The following GNA14 variants were observed in gnomAD, a reference collection of about 807,000 sequenced individuals.
GNA14 encodes guanine nucleotide-binding protein subunit alpha-14.
In GNA14, 50 loss-of-function variants were observed where a neutral mutation model predicts 42.0. The ratio of observed to expected loss-of-function variants is 1.19; its 90% CI spans 0.95 to 1.51. GNA14 has a LOEUF of 1.51. GNA14 is among the 40% of genes most tolerant of loss of function. The probability of loss-of-function intolerance (pLI) is 0.00; values close to 1 mark genes in which losing one functional copy is unlikely to be tolerated. For synonymous variants in GNA14, 173 were observed against 163.1 expected (o/e 1.06, Z -0.46); for missense variants, 473 against 446.2 (o/e 1.06, Z -0.54).
rs372812206 is a variant in GNA14, at chr9:77,438,602, AATAAT to A, written c.310-4085_310-4081del. ...TTTTAAAAAAAACCTTTTACTGTGAAATAATATAAGACTTGCAAAGATGTGGGGAA... is the reference window on the plus strand; with the variant it reads ...TTTTAAAAAAAACCTTTTACTGTGAAATAAGACTTGCAAAGATGTGGGGAA... On this transcript the variant is annotated intron_variant, in intron 2 of 6. Coordinates refer to ENST00000341700, the MANE Select transcript of GNA14 (RefSeq NM_004297.4). 5.1e-3 allele frequency among the ~76,000 whole-genome samples: 771 copies of A among 152,234 alleles called. 3 individuals are homozygous for A. The highest frequency in any genetic ancestry group is 9.4e-3 in the Non-Finnish European group (636 of 68,008).
intron 1 of GNA14, among the ~76,000 whole-genome samples, chr9:77,641,765 C>T (rs776264309): frequency 1.3e-5 from 2 of 152,132 alleles, no homozygotes; most frequent in Non-Finnish European, 2.9e-5. Context: ...ACCAACAAAA[C>T]TGGGATATGG....
At chr9:77,586,260 C>CT (rs1300529197) in intron 1 of GNA14, among the ~76,000 whole-genome samples, 2 of 152,098 alleles carry the variant, frequency 1.3e-5, no homozygotes, top group Non-Finnish European at 1.5e-5. Context: ...ATAAAGAGCT[C>CT]TTTTTTCATA....
At chr9:77,608,548 C>CA (rs1324262317) in intron 1 of GNA14, among the ~76,000 whole-genome samples, 1 of 152,088 alleles carries the variant, frequency 6.6e-6, no homozygotes, top group African/African-American at 2.4e-5. Context: ...CTAGAATGGC[C>CA]ACCCAACCCT....
chr9:77,596,793 T>C (rs1823474060), intron 1 of GNA14, among the ~76,000 whole-genome samples: 1 of 152,204 alleles, frequency 6.6e-6, no homozygotes, highest in African/African-American at 2.4e-5. Flanking sequence ...GCATATCTGA[T>C]TGCCTCATTT....
chr9:77,529,359 C>T (rs1166648816), intron 1 of GNA14, 106 bp from the exon 2 acceptor site: 2 of 877,428 alleles, frequency 2.3e-6, no homozygotes, highest in Non-Finnish European at 3.8e-6. Flanking sequence ...AATTAATAGG[C>T]TGATGGGTTG....
At chr9:77,591,152 G>A (rs1250488455) in intron 1 of GNA14, among the ~76,000 whole-genome samples, 1 of 152,218 alleles carries the variant, frequency 6.6e-6, no homozygotes, top group Non-Finnish European at 1.5e-5. Flanking sequence ...ATCACACGCT[G>A]TTTCCGAGTA....
At chr9:77,426,212 A>G (rs1369785422) in intron 5 of GNA14, among the ~76,000 whole-genome samples, 1 of 152,144 alleles carries the variant, frequency 6.6e-6, no homozygotes, top group Non-Finnish European at 1.5e-5. Context: ...TGGCAGAGAC[A>G]GGACGCACTG....
intron 1 of GNA14, among the ~76,000 whole-genome samples, chr9:77,627,234 G>C (rs1160221413): frequency 6.6e-6 from 1 of 152,088 alleles, no homozygotes; most frequent in East Asian, 1.9e-4. Context: ...AATTGAGGCA[G>C]TAATTAATAG....
At chr9:77,633,343 A>G (rs1431819149) in intron 1 of GNA14, among the ~76,000 whole-genome samples, 1 of 152,132 alleles carries the variant, frequency 6.6e-6, no homozygotes, top group African/African-American at 2.4e-5. Flanking sequence ...ACAGATTGGC[A>G]TGTGCAGAGG....
At chr9:77,549,258 T>C (rs1362842684) in intron 1 of GNA14, among the ~76,000 whole-genome samples, 2 of 152,290 alleles carry the variant, frequency 1.3e-5, no homozygotes, top group Middle Eastern at 3.4e-3. Context: ...ATAGGACATG[T>C]AGTCTCTAGT....
chr9:77,458,914 G>GGGT (rs61548659), intron 2 of GNA14, among the ~76,000 whole-genome samples: 2 of 150,952 alleles, frequency 1.3e-5, no homozygotes, highest in East Asian at 3.9e-4. Context: ...AGGGGGGGGG[G>GGGT]TTGTCCTCTT....
Position 77,648,159 on chromosome 9 carries a change from C to CGAGTTGGAACGTCG in GNA14, c.-380_-367dup. 3.2e-6 allele frequency: 1 copy of CGAGTTGGAACGTCG among 311,860 alleles called. No individual in the cohort carries two copies. The highest frequency in any genetic ancestry group is 6.0e-6 in the Non-Finnish European group (1 of 167,750). The allele number at this position is 311,860 out of a possible 1,614,324, so 19.3% of individuals were successfully genotyped here. On this transcript the variant is annotated 5_prime_UTR_variant, in exon 1 of 7. Coordinates refer to ENST00000341700, the MANE Select transcript of GNA14 (RefSeq NM_004297.4). ...GCCGGACAGCAGTCGGGGGCGCAGACGAGTTGGAACGTCGGTGCTCGGGGG... is the reference window on the plus strand; with the variant it reads ...GCCGGACAGCAGTCGGGGGCGCAGACGAGTTGGAACGTCGGAGTTGGAACGTCGGTGCTCGGGGG...
chr9:77,569,487 C>T (rs1403146221), intron 1 of GNA14, among the ~76,000 whole-genome samples: 1 of 152,180 alleles, frequency 6.6e-6, no homozygotes, highest in Non-Finnish European at 1.5e-5. Flanking sequence ...TGTGAAATGG[C>T]TGTGAACAAG....
intron 1 of GNA14, among the ~76,000 whole-genome samples, chr9:77,545,808 C>T (rs771618646): frequency 1.3e-5 from 2 of 152,268 alleles, no homozygotes; most frequent in South Asian, 2.1e-4. Flanking sequence ...ATACCATTAT[C>T]GTTGCATTTG....
intron 2 of GNA14, among the ~76,000 whole-genome samples, chr9:77,484,638 T>C (rs999821609): frequency 1.3e-5 from 2 of 152,200 alleles, no homozygotes; most frequent in African/African-American, 4.8e-5. Context: ...TTGTCCCCTT[T>C]ATCCATGGAG....
chr9:77,584,853 T>C (rs759835494), intron 1 of GNA14, among the ~76,000 whole-genome samples: 6 of 152,136 alleles, frequency 3.9e-5, no homozygotes, highest in South Asian at 2.1e-4. Flanking sequence ...TCAGACCATA[T>C]AGGGTAACTT....
intron 1 of GNA14, among the ~76,000 whole-genome samples, chr9:77,564,167 A>G (rs1242824951): frequency 6.6e-6 from 1 of 152,134 alleles, no homozygotes; most frequent in East Asian, 1.9e-4. Flanking sequence ...TGAAGGACAC[A>G]GTCTATTCCT....
chr9:77,553,053 G>A (rs2082291032), intron 1 of GNA14, among the ~76,000 whole-genome samples: 1 of 151,966 alleles, frequency 6.6e-6, no homozygotes, highest in African/African-American at 2.4e-5. Context: ...ACACATCCCA[G>A]GAAAAAAGGC....
chr9:77,442,088 C>T (rs1448350511), intron 2 of GNA14, among the ~76,000 whole-genome samples: 2 of 152,240 alleles, frequency 1.3e-5, no homozygotes, highest in African/African-American at 4.8e-5. Flanking sequence ...AAAGCTAATG[C>T]AGGCCTGGTG....
Sources: gnomAD v4.1 joint callset for allele counts (sites outside exome capture counted in the v4.1 genomes callset) on GRCh38, gnomAD v4.1.1 for gene constraint, MANE v1.5 for transcripts, NCBI Gene and HGNC (gene_info 2026-07-23, HGNC 2026-07-21) for gene names.